TTC28: variants seen among roughly 807,000 people sequenced by gnomAD.
TTC28 encodes tetratricopeptide repeat domain 28.
A neutral mutation model predicts 198.0 loss-of-function variants in TTC28; 61 were observed. That is an observed-to-expected ratio of 0.31 (90% CI 0.25 to 0.38). TTC28 has a LOEUF of 0.38. Ranked by LOEUF, TTC28 falls within the 10% of genes least tolerant of loss-of-function variation. The probability of loss-of-function intolerance (pLI) is 1.00; values close to 1 mark genes in which losing one functional copy is unlikely to be tolerated. For synonymous variants in TTC28, 1,171 were observed against 1,297.8 expected (o/e 0.90, Z 2.10); for missense variants, 2,678 against 3,164.0 (o/e 0.85, Z 3.69).
Position 27,979,333 on chromosome 22 carries a change from A to G in TTC28, c.*2888T>C, listed in dbSNP as rs1936941944. 6.6e-6 allele frequency: 1 copy of G among 152,176 alleles called. No homozygotes were observed. The highest frequency in any genetic ancestry group is 1.5e-5 in the Non-Finnish European group (1 of 68,050). The allele number at this position is 152,176 out of a possible 1,614,324, so 9.4% of individuals were successfully genotyped here. A position where few individuals can be genotyped will look rare whatever the true frequency, so the allele number is the denominator to read the frequency against. ...CATCTCTATTAAAAATACAAAAATT[A>G]GCAAGGCATGGTAGTGGGTGCCTGT... On this transcript the variant is annotated 3_prime_UTR_variant, in exon 23 of 23. Transcript: ENST00000397906.
In TTC28 at chr22:28,645,194, C is replaced by T. The variant is rs571491063; in HGVS notation, c.103-15364G>A. On this transcript the variant is annotated intron_variant, in intron 1 of 22. Transcript: ENST00000397906. Reference sequence around the variant, plus strand: ...CTGGGCAACAAGGGTGAAACTCCGTCTCAAAAAAAAATTGTAATAATAATA... The same window carrying T: ...CTGGGCAACAAGGGTGAAACTCCGTTTCAAAAAAAAATTGTAATAATAATA... Among the ~76,000 whole-genome samples, 6 of 151,736 alleles carry T rather than the reference C, an allele frequency of 4.0e-5. No homozygotes were observed. In the East Asian group the frequency reaches 5.8e-4, roughly 15 times the overall value.
Position 28,306,545 on chromosome 22 carries a change from G to A in TTC28, c.480C>T (p.Leu160=). The A allele has an allele frequency of 1.3e-6, 2 of 1,550,616 alleles. No individual in the cohort carries two copies. The highest frequency in any genetic ancestry group is 1.7e-6 in the Non-Finnish European group (2 of 1,146,738). Reference sequence around the variant, plus strand: ...CTTCCACCATCCCCACCAGAAGCTGGAGACTCTTGGGGTCTTGAGCCAGTC... The same window carrying A: ...CTTCCACCATCCCCACCAGAAGCTGAAGACTCTTGGGGTCTTGAGCCAGTC... ...ASGLAQDPKS[L]QLLVGMVEAA... is the part of the protein sequence containing the mutation. The change falls in exon 3 of 23, where the codon CTC becomes CTT. Residue 160 remains leucine (L), a synonymous_variant. Coordinates refer to ENST00000397906, the MANE Select transcript of TTC28 (RefSeq NM_001145418.2).
intron 2 of TTC28, among the ~76,000 whole-genome samples, chr22:28,414,216 C>T (rs547865638): frequency 6.6e-6 from 1 of 152,272 alleles, no homozygotes; most frequent in Non-Finnish European, 1.5e-5. Context: ...GGTTGGAATT[C>T]ACACCAGGAA....
intron 2 of TTC28, among the ~76,000 whole-genome samples, chr22:28,339,211 T>C (rs2045786199): frequency 6.6e-6 from 1 of 152,130 alleles, no homozygotes; most frequent in Non-Finnish European, 1.5e-5. Context: ...CAGCGGATAT[T>C]GGTGAACAGC....
rs1431865536 is a variant in TTC28, at chr22:28,089,403, C to T, written c.3932+4677G>A. Among the ~76,000 whole-genome samples the T allele has an allele frequency of 2.0e-5, 3 of 151,102 alleles. No homozygotes were observed. The East Asian group carries it at 5.9e-4, about 30-fold the overall frequency. On this transcript the variant is annotated intron_variant, in intron 12 of 22. Coordinates refer to ENST00000397906, the MANE Select transcript of TTC28 (RefSeq NM_001145418.2). ...ATTGGAAATCATCATTCTCAGTAAA[C>T]TATCGCAAGAACAAGAAAGCAAACA...
chr22:28,325,015 C>T (rs894277351), intron 2 of TTC28, among the ~76,000 whole-genome samples: 1 of 152,162 alleles, frequency 6.6e-6, no homozygotes, highest in African/African-American at 2.4e-5. Flanking sequence ...AGGATTCCCT[C>T]TTTTTCTATC....
intron 2 of TTC28, among the ~76,000 whole-genome samples, chr22:28,313,636 C>T (rs112655575): frequency 3.3e-5 from 5 of 152,058 alleles, no homozygotes; most frequent in Admixed American, 6.6e-5. Flanking sequence ...AATAGAGGCA[C>T]GAAAGGCCTT....
chr22:28,617,977 A>G (rs552105461), intron 2 of TTC28, among the ~76,000 whole-genome samples: 1 of 152,312 alleles, frequency 6.6e-6, no homozygotes, highest in Admixed American at 6.5e-5. Flanking sequence ...CCTACAAAAT[A>G]AATGGCTGTT....
intron 5 of TTC28, among the ~76,000 whole-genome samples, chr22:28,248,598 CTG>C (rs1930282144): frequency 6.6e-6 from 1 of 152,172 alleles, no homozygotes; most frequent in South Asian, 2.1e-4. Flanking sequence ...TACCACTTTG[CTG>C]ATTGCAGCTC....
intron 5 of TTC28, among the ~76,000 whole-genome samples, chr22:28,258,213 T>C (rs191795923): frequency 8.6e-4 from 131 of 152,274 alleles, no homozygotes; most frequent in Non-Finnish European, 1.4e-3. Flanking sequence ...AGGTTGAACG[T>C]GCACAGGTCA....
At chr22:28,478,530 G>A (rs1013306194) in intron 2 of TTC28, among the ~76,000 whole-genome samples, 8 of 150,654 alleles carry the variant, frequency 5.3e-5, no homozygotes, top group Non-Finnish European at 4.4e-5. Context: ...AAATAAAATA[G>A]TCCTTATCTT....
chr22:28,579,374 T>C (rs906351701), intron 2 of TTC28, among the ~76,000 whole-genome samples: 6 of 149,256 alleles, frequency 4.0e-5, no homozygotes, highest in Non-Finnish European at 3.0e-5. Flanking sequence ...TGACTACATA[T>C]ATAGTATACA....
intron 2 of TTC28, among the ~76,000 whole-genome samples, chr22:28,381,207 T>G (rs915090481): frequency 6.6e-6 from 1 of 151,946 alleles, no homozygotes; most frequent in Non-Finnish European, 1.5e-5. Context: ...AATGAGGAAT[T>G]TGAGGTCTGC....
chr22:28,066,604 G>T (rs1335871455), intron 12 of TTC28, among the ~76,000 whole-genome samples: 3 of 151,940 alleles, frequency 2.0e-5, no homozygotes, highest in Non-Finnish European at 4.4e-5. Flanking sequence ...TTTTAAAAAT[G>T]GTTCTTTATT....
chr22:28,346,763 G>A (rs1271831484), intron 2 of TTC28, among the ~76,000 whole-genome samples: 1 of 152,174 alleles, frequency 6.6e-6, no homozygotes, highest in Non-Finnish European at 1.5e-5. Context: ...GAAAGGATAG[G>A]ATGAAATAAA....
At chr22:28,368,420 C>G (rs920842702) in intron 2 of TTC28, among the ~76,000 whole-genome samples, 5 of 152,040 alleles carry the variant, frequency 3.3e-5, no homozygotes, top group African/African-American at 4.8e-5. Flanking sequence ...CCATATATGA[C>G]AGACCCACAA....
chr22:28,045,333 C>T (rs901058537), intron 12 of TTC28, among the ~76,000 whole-genome samples: 9 of 152,164 alleles, frequency 5.9e-5, no homozygotes, highest in Admixed American at 3.3e-4. Context: ...ATCATGTTGA[C>T]GCTGTGAAAG....
chr22:28,476,316 T>C (rs954071590), intron 2 of TTC28, among the ~76,000 whole-genome samples: 1 of 152,234 alleles, frequency 6.6e-6, no homozygotes, highest in African/African-American at 2.4e-5. Flanking sequence ...TTTCCCCTTA[T>C]GTATAACGTT....
In TTC28 at chr22:28,304,234, G is replaced by A. The variant is rs544064642; in HGVS notation, c.529+2262C>T. 1.6e-4 allele frequency among the ~76,000 whole-genome samples: 25 copies of A among 151,698 alleles called. No individual in the cohort carries two copies. The South Asian group carries it at 5.2e-3, about 32-fold the overall frequency. ...CGGGAGGCGGAGCTTGCAGTGAGCC[G>A]AGATGGCGCCACTGCACTCCAGCCT... On this transcript the variant is annotated intron_variant, in intron 3 of 22. Coordinates refer to ENST00000397906, the MANE Select transcript of TTC28 (RefSeq NM_001145418.2).
Sources: gnomAD v4.1 joint callset for allele counts (sites outside exome capture counted in the v4.1 genomes callset) on GRCh38, gnomAD v4.1.1 for gene constraint, MANE v1.5 for transcripts, NCBI Gene and HGNC (gene_info 2026-07-23, HGNC 2026-07-21) for gene names.